Variants in CLDN16 observed in about 807,000 individuals in gnomAD.
The protein encoded by CLDN16 is claudin 16.
A neutral mutation model predicts 24.6 loss-of-function variants in CLDN16; 13 were observed. The ratio of observed to expected loss-of-function variants is 0.53; its 90% CI spans 0.34 to 0.84. The LOEUF is 0.84. Among genes scored for constraint, CLDN16 ranks in the 40% least tolerant of loss-of-function variants. The pLI is 0.01. For synonymous variants in CLDN16, 116 were observed against 106.7 expected (o/e 1.09, Z -0.54); for missense variants, 298 against 292.7 (o/e 1.02, Z -0.13).
intron 1 of CLDN16, among the ~76,000 whole-genome samples, chr3:190,331,214 C>A (rs1560079977): frequency 1.3e-5 from 2 of 152,174 alleles, no homozygotes; most frequent in Non-Finnish European, 2.9e-5. Context: ...AATTTGAATG[C>A]AAACAGTGAT....
intron 1 of CLDN16, among the ~76,000 whole-genome samples, chr3:190,390,803 A>G (rs1271035276): frequency 6.6e-6 from 1 of 151,862 alleles, no homozygotes; most frequent in Non-Finnish European, 1.5e-5. Flanking sequence ...TTATTTTTTT[A>G]TAGATTTGGT....
intron 1 of CLDN16, among the ~76,000 whole-genome samples, chr3:190,335,439 G>A (rs1367815109): frequency 6.6e-6 from 1 of 151,984 alleles, no homozygotes; most frequent in Non-Finnish European, 1.5e-5. Flanking sequence ...TCCTGGCTGG[G>A]TGCAGTGGCT....
intron 1 of CLDN16, among the ~76,000 whole-genome samples, chr3:190,335,578 G>A (rs564301894): frequency 3.3e-5 from 5 of 152,034 alleles, no homozygotes; most frequent in African/African-American, 1.2e-4. Context: ...TGGGCGTGGT[G>A]GTGCATGCCT....
upstream of CLDN16, among the ~76,000 whole-genome samples, chr3:190,385,893 A>G (rs1718486754): frequency 6.6e-6 from 1 of 152,214 alleles, no homozygotes. Context: ...AAACACATGT[A>G]AAATATGAAT....
At chr3:190,311,334 A>G in the CLDN16 span, among the ~76,000 whole-genome samples, 1 of 152,216 alleles carries the variant, frequency 6.6e-6, no homozygotes, top group Admixed American at 6.5e-5. Flanking sequence ...AGCCTTTGAT[A>G]TAAGAGTAAA....
chr3:190,295,770 A>G, the CLDN16 span, among the ~76,000 whole-genome samples: 190 of 152,328 alleles, frequency 1.2e-3, no homozygotes, highest in African/African-American at 4.4e-3. Flanking sequence ...CTCTGTCTGA[A>G]CTAAATGTAG....
chr3:190,398,791 C>T (rs190817870), intron 1 of CLDN16, among the ~76,000 whole-genome samples: 4 of 152,070 alleles, frequency 2.6e-5, no homozygotes, highest in Admixed American at 6.6e-5. Context: ...GATTATCTCC[C>T]GTATACAGAT....
At chr3:190,344,752 A>C (rs1489308430) in intron 1 of CLDN16, among the ~76,000 whole-genome samples, 1 of 152,096 alleles carries the variant, frequency 6.6e-6, no homozygotes, top group Admixed American at 6.6e-5. Flanking sequence ...GTTATAGAAT[A>C]AAGGAGGATA....
At chr3:190,392,167 A>G (rs1283277494) in intron 1 of CLDN16, among the ~76,000 whole-genome samples, 1 of 149,368 alleles carries the variant, frequency 6.7e-6, no homozygotes, top group East Asian at 2.0e-4. Context: ...AGACATTTCC[A>G]TTGGGAATCT....
Position 190,404,831 on chromosome 3 carries a change from T to A in CLDN16, c.287T>A (p.Leu96Gln). The A allele has an allele frequency of 6.2e-7, 1 of 1,614,128 alleles. No homozygotes were observed. Among genetic ancestry groups the A allele is most frequent in the Non-Finnish European group, 8.5e-7 (1 of 1,179,964 alleles). ...DILAGFGFLT[L>Q]LLGLDCVKFL... ...CTAGCTGGGTTTGGATTTCTCACCC[T>A]GCTCCTTGGTCTTGACTGCGTGAAA... Residue 96 changes from leucine (L) to glutamine (Q), a missense_variant, in exon 3 of 5, where the codon CTG (leucine) becomes CAG (glutamine). Coordinates refer to ENST00000264734, the MANE Select transcript of CLDN16 (RefSeq NM_006580.4).
At chr3:190,311,516 G>GTCT in the CLDN16 span, among the ~76,000 whole-genome samples, 3 of 151,920 alleles carry the variant, frequency 2.0e-5, no homozygotes, top group African/African-American at 4.8e-5. Flanking sequence ...GCCCCTACAA[G>GTCT]TCTTCTGTCA....
chr3:190,402,490 A>C (rs1213492821), intron 2 of CLDN16, 51 bp downstream of exon 2: 3 of 1,387,376 alleles, frequency 2.2e-6, no homozygotes, highest in Non-Finnish European at 3.1e-6. Flanking sequence ...AGGGACAGAA[A>C]ACTGAGTTCA....
upstream of CLDN16, among the ~76,000 whole-genome samples, chr3:190,385,569 G>A (rs1718474101): frequency 1.6e-5 from 1 of 61,896 alleles, no homozygotes; most frequent in East Asian, 7.4e-4. Flanking sequence ...CTATAGTCTA[G>A]ATTTTTTTTT....
At chr3:190,317,579 A>G (rs11717803), upstream of CLDN16, among the ~76,000 whole-genome samples, 6,940 of 152,302 alleles carry the variant, frequency 0.046, 269 homozygotes, top group South Asian at 0.1. Context: ...TCTACTATCA[A>G]TACCAGACAT....
intron 1 of CLDN16, among the ~76,000 whole-genome samples, chr3:190,341,653 G>T (rs149656958): frequency 3.5e-4 from 54 of 152,230 alleles, no homozygotes; most frequent in African/African-American, 1.3e-3. Context: ...TTAATATTCG[G>T]CTTCTCATTA....
At chr3:190,400,218 T>C (rs78684864) in intron 1 of CLDN16, among the ~76,000 whole-genome samples, 2,551 of 152,158 alleles carry the variant, frequency 0.017, 87 homozygotes, top group African/African-American at 0.059. Flanking sequence ...ATCCTCTGTC[T>C]TATTTTTTAC....
At chr3:190,319,713 C>CT (rs1055154089), upstream of CLDN16, among the ~76,000 whole-genome samples, 6 of 152,182 alleles carry the variant, frequency 3.9e-5, no homozygotes, top group Non-Finnish European at 5.9e-5. Flanking sequence ...TGAAATGCAG[C>CT]TTTTTTCTGA....
chr3:190,362,259 T>A, intron 1 of CLDN16, among the ~76,000 whole-genome samples: 1 of 151,992 alleles, frequency 6.6e-6, no homozygotes, highest in East Asian at 1.9e-4. Flanking sequence ...ATCACTATTG[T>A]AAAACCTAAG....
At chr3:190,309,236 C>T in the CLDN16 span, among the ~76,000 whole-genome samples, 1 of 152,156 alleles carries the variant, frequency 6.6e-6, no homozygotes, top group Non-Finnish European at 1.5e-5. Flanking sequence ...TGCAAAATGG[C>T]TGGCAATTTA....
Sources: gnomAD v4.1 joint callset for allele counts (sites outside exome capture counted in the v4.1 genomes callset) on GRCh38, gnomAD v4.1.1 for gene constraint, MANE v1.5 for transcripts, NCBI Gene and HGNC (gene_info 2026-07-23, HGNC 2026-07-21) for gene names.